The following CNTN5 variants were observed in gnomAD, a reference collection of about 807,000 sequenced individuals.
CNTN5 encodes the protein contactin 5, also known as contactin-5.
CNTN5 carries 77 observed loss-of-function variants against 129.1 expected under a neutral mutation model. The ratio of observed to expected loss-of-function variants is 0.60; its 90% CI spans 0.50 to 0.72. The LOEUF (loss-of-function observed/expected upper bound fraction) is 0.72, where lower values mean the gene tolerates loss of function less well. CNTN5 is among the 30% of genes least tolerant of loss of function. The pLI is 0.00. For synonymous variants in CNTN5, 509 were observed against 465.6 expected (o/e 1.09, Z -1.20); for missense variants, 1,478 against 1,328.8 (o/e 1.11, Z -1.75).
At chr11:100,285,882 CA>C (rs2138838002) in intron 18 of CNTN5, among the ~76,000 whole-genome samples, 1 of 152,296 alleles carries the variant, frequency 6.6e-6, no homozygotes, top group East Asian at 1.9e-4. Context: ...ACAGTGGGCG[CA>C]GGTCAGTGGG....
intron 1 of CNTN5, among the ~76,000 whole-genome samples, chr11:99,308,095 C>T (rs919590291): frequency 6.6e-6 from 1 of 152,148 alleles, no homozygotes; most frequent in African/African-American, 2.4e-5. Flanking sequence ...AAATGAAAAG[C>T]TAATTTACTG....
intron 1 of CNTN5, among the ~76,000 whole-genome samples, chr11:99,138,968 CAGT>C (rs1012577223): frequency 6.6e-6 from 1 of 152,094 alleles, no homozygotes; most frequent in African/African-American, 2.4e-5. Flanking sequence ...TAGCTGGGTG[CAGT>C]AGCTCACTCC....
At chr11:99,662,608 A>G (rs540501001) in intron 3 of CNTN5, among the ~76,000 whole-genome samples, 1 of 152,314 alleles carries the variant, frequency 6.6e-6, no homozygotes, top group South Asian at 2.1e-4. Flanking sequence ...AATCTGATGT[A>G]ATAATGACAG....
intron 2 of CNTN5, among the ~76,000 whole-genome samples, chr11:99,423,632 A>G (rs11219852): frequency 0.095 from 14,468 of 152,272 alleles, 774 homozygotes; most frequent in South Asian, 0.15. Flanking sequence ...TAATACCTAC[A>G]TTAGTGCTTC....
At chr11:99,808,833 A>G (rs1483262153) in intron 3 of CNTN5, among the ~76,000 whole-genome samples, 4 of 152,068 alleles carry the variant, frequency 2.6e-5, no homozygotes, top group African/African-American at 9.7e-5. Flanking sequence ...CAGTAATCCT[A>G]TTATGCACCT....
At chr11:100,228,898 T>G (rs1465106341) in intron 16 of CNTN5, among the ~76,000 whole-genome samples, 1 of 152,148 alleles carries the variant, frequency 6.6e-6, no homozygotes, top group African/African-American at 2.4e-5. Context: ...GGGCTGGATA[T>G]GTAATCTGTG....
chr11:99,104,827 T>G (rs1454198274), intron 1 of CNTN5, among the ~76,000 whole-genome samples: 1 of 152,000 alleles, frequency 6.6e-6, no homozygotes, highest in African/African-American at 2.4e-5. Context: ...AGCTGATTGA[T>G]CAGGAACAAT....
intron 1 of CNTN5, among the ~76,000 whole-genome samples, chr11:99,056,334 T>G (rs1864623744): frequency 6.6e-6 from 1 of 151,974 alleles, no homozygotes; most frequent in African/African-American, 2.4e-5. Flanking sequence ...ATAAATGGTT[T>G]TATTGGAAGC....
chr11:99,618,968 A>T (rs989426057), intron 3 of CNTN5, among the ~76,000 whole-genome samples: 1 of 152,308 alleles, frequency 6.6e-6, no homozygotes, highest in African/African-American at 2.4e-5. Context: ...TTATTAATCA[A>T]TGAGTCTGAC....
intron 6 of CNTN5, among the ~76,000 whole-genome samples, chr11:99,869,928 C>A (rs577158724): frequency 1.5e-3 from 224 of 152,146 alleles, no homozygotes; most frequent in Non-Finnish European, 2.5e-3. Flanking sequence ...CTGGCTGATG[C>A]AATATATTGA....
chr11:99,969,358 A>G (rs549355547), intron 8 of CNTN5, among the ~76,000 whole-genome samples: 3 of 152,340 alleles, frequency 2.0e-5, no homozygotes, highest in Middle Eastern at 3.4e-3. Flanking sequence ...CATTGTAACT[A>G]TGAACACATC....
intron 1 of CNTN5, among the ~76,000 whole-genome samples, chr11:99,036,259 G>C (rs1173191974): frequency 1.3e-5 from 2 of 151,920 alleles, no homozygotes; most frequent in African/African-American, 2.4e-5. Context: ...CTTATAACTT[G>C]TCCGGTTTAG....
At chr11:99,408,454 GAAAGAAAGAAAGAAAGAA>G (rs1565557952) in intron 2 of CNTN5, among the ~76,000 whole-genome samples, 2 of 127,550 alleles carry the variant, frequency 1.6e-5, no homozygotes, top group African/African-American at 5.5e-5. Flanking sequence ...GAAAGAGAAA[GAAAGAAAGAAAGAAAGAA>G]AGAAAGAAAG....
At chr11:99,748,882 G>C (rs1032799560) in intron 3 of CNTN5, among the ~76,000 whole-genome samples, 4 of 152,110 alleles carry the variant, frequency 2.6e-5, no homozygotes, top group Admixed American at 1.3e-4. Context: ...CTTCCTTACA[G>C]ACATGCCTAG....
At chr11:99,295,167 T>C (rs1864330680) in intron 1 of CNTN5, among the ~76,000 whole-genome samples, 3 of 152,142 alleles carry the variant, frequency 2.0e-5, no homozygotes, top group Admixed American at 2.0e-4. Flanking sequence ...GTATGCTCCT[T>C]ATCCAGGATT....
intron 1 of CNTN5, among the ~76,000 whole-genome samples, chr11:99,293,502 T>C (rs1379771345): frequency 6.6e-6 from 1 of 152,132 alleles, no homozygotes; most frequent in African/African-American, 2.4e-5. Context: ...TGGTATTAGT[T>C]CTACTTTAAA....
intron 3 of CNTN5, among the ~76,000 whole-genome samples, chr11:99,565,400 T>C (rs966441776): frequency 2.6e-5 from 4 of 152,212 alleles, no homozygotes; most frequent in Non-Finnish European, 5.9e-5. Context: ...CATGCCCAGA[T>C]AGACTTTTCA....
chr11:99,669,324 T>C (rs1197348578), intron 3 of CNTN5, among the ~76,000 whole-genome samples: 3 of 152,110 alleles, frequency 2.0e-5, no homozygotes, highest in African/African-American at 7.2e-5. Context: ...TTCATTGCCA[T>C]CTAAATTATT....
intron 6 of CNTN5, among the ~76,000 whole-genome samples, chr11:99,907,990 G>T (rs1173568584): frequency 6.6e-6 from 1 of 151,992 alleles, no homozygotes; most frequent in Non-Finnish European, 1.5e-5. Context: ...AAAATTACAC[G>T]TTGAAAATTG....
Sources: gnomAD v4.1 joint callset for allele counts (sites outside exome capture counted in the v4.1 genomes callset) on GRCh38, gnomAD v4.1.1 for gene constraint, MANE v1.5 for transcripts, NCBI Gene and HGNC (gene_info 2026-07-23, HGNC 2026-07-21) for gene names.